Variants in STARD13 observed in about 807,000 individuals in gnomAD.
The protein encoded by STARD13 is stAR-related lipid transfer protein 13.
Under a neutral mutation model 106.4 loss-of-function variants are expected in STARD13, and 62 were observed. The observed-to-expected ratio is 0.58, with a 90% CI of 0.48 to 0.72. The LOEUF (loss-of-function observed/expected upper bound fraction) is 0.72, where lower values mean the gene tolerates loss of function less well. Ranked by LOEUF, STARD13 falls within the 30% of genes least tolerant of loss-of-function variation. The pLI, the probability that STARD13 is intolerant of heterozygous loss-of-function variation, is 0.00. For missense variants in STARD13, 1,387 were observed against 1,424.0 expected (o/e 0.97, Z 0.42); for synonymous variants, 565 against 553.0 (o/e 1.02, Z -0.31).
At chr13:33,316,370 A>G (rs985613803) in intron 1 of STARD13, among the ~76,000 whole-genome samples, 1 of 152,212 alleles carries the variant, frequency 6.6e-6, no homozygotes, top group African/African-American at 2.4e-5. Context: ...TTCATCTATA[A>G]TAAGCAATGT....
chr13:33,452,366 C>G, the STARD13 span, among the ~76,000 whole-genome samples: 3 of 152,054 alleles, frequency 2.0e-5, no homozygotes, highest in Non-Finnish European at 4.4e-5. Flanking sequence ...CAGGGGAAAC[C>G]TATTTTCCAT....
chr13:33,399,496 C>G, the STARD13 span, among the ~76,000 whole-genome samples: 1 of 151,792 alleles, frequency 6.6e-6, no homozygotes, highest in East Asian at 1.9e-4. Context: ...AGATCGAGAC[C>G]ATCCTGGCTA....
At chr13:33,282,149 C>T (rs1041560188) in intron 1 of STARD13, among the ~76,000 whole-genome samples, 1 of 152,112 alleles carries the variant, frequency 6.6e-6, no homozygotes, top group African/African-American at 2.4e-5. Context: ...TCCATTCTCT[C>T]TCTCTACAAC....
the STARD13 span, among the ~76,000 whole-genome samples, chr13:33,518,348 A>G: frequency 2.0e-5 from 3 of 152,082 alleles, no homozygotes; most frequent in East Asian, 5.8e-4. Flanking sequence ...CACTGCTTGT[A>G]TTCCTCAACA....
chr13:33,202,543 C>T (rs758837689), intron 1 of STARD13, among the ~76,000 whole-genome samples: 8 of 152,116 alleles, frequency 5.3e-5, no homozygotes, highest in African/African-American at 7.2e-5. Flanking sequence ...CCTGTCTTTG[C>T]GGAGCCTAGG....
At chr13:33,439,653 A>G in the STARD13 span, 2 of 1,172,500 alleles carry the variant, frequency 1.7e-6, no homozygotes, top group Admixed American at 2.4e-5. Flanking sequence ...AACAACTTTT[A>G]TACATAAACA....
chr13:33,528,233 T>TATATATATACATATATATATATAC, the STARD13 span, among the ~76,000 whole-genome samples: 1 of 131,970 alleles, frequency 7.6e-6, no homozygotes, highest in Non-Finnish European at 1.5e-5. Context: ...TGTGTATATA[T>TATATATATACATATATATATATAC]ATATATATAC....
the STARD13 span, among the ~76,000 whole-genome samples, chr13:33,450,257 C>T: frequency 6.6e-6 from 1 of 152,074 alleles, no homozygotes; most frequent in Non-Finnish European, 1.5e-5. Context: ...AGGCATGTTC[C>T]TTCTATACCT....
the STARD13 span, among the ~76,000 whole-genome samples, chr13:33,370,465 A>T: frequency 6.6e-6 from 1 of 152,200 alleles, no homozygotes; most frequent in Non-Finnish European, 1.5e-5. Context: ...AATACCATTT[A>T]AAAAATATTC....
the STARD13 span, chr13:33,519,954 A>G: frequency 9.9e-5 from 15 of 152,188 alleles, no homozygotes; most frequent in African/African-American, 3.6e-4. Context: ...TGCAAAATGT[A>G]TACCTTGCTT....
intron 1 of STARD13, among the ~76,000 whole-genome samples, chr13:33,307,617 A>C (rs1892960294): frequency 6.6e-6 from 1 of 152,144 alleles, no homozygotes; most frequent in Non-Finnish European, 1.5e-5. Context: ...ATGAGAACAC[A>C]TGGACACAGG....
intron 1 of STARD13, among the ~76,000 whole-genome samples, chr13:33,342,532 TG>T (rs60871493): frequency 0.01 from 1,526 of 151,846 alleles, 25 homozygotes; most frequent in African/African-American, 0.035. Flanking sequence ...TTTTATAGTT[TG>T]TTTTTTTTTT....
intron 3 of STARD13, among the ~76,000 whole-genome samples, chr13:33,162,267 A>G (rs991310109): frequency 2.6e-5 from 4 of 152,178 alleles, no homozygotes; most frequent in Non-Finnish European, 5.9e-5. Context: ...GCAAACAGAT[A>G]AGGACCCTGG....
the STARD13 span, among the ~76,000 whole-genome samples, chr13:33,447,296 T>C: frequency 1.3e-5 from 2 of 152,210 alleles, no homozygotes; most frequent in Non-Finnish European, 1.5e-5. Context: ...AAACAGGTTC[T>C]TCCACGAGCT....
At chr13:33,481,753 A>G in the STARD13 span, among the ~76,000 whole-genome samples, 6 of 152,106 alleles carry the variant, frequency 3.9e-5, no homozygotes, top group Admixed American at 1.3e-4. Flanking sequence ...AAACAAACTT[A>G]AAAAATCTGG....
chr13:33,584,035 C>A, the STARD13 span, among the ~76,000 whole-genome samples: 1 of 152,214 alleles, frequency 6.6e-6, no homozygotes, highest in South Asian at 2.1e-4. Flanking sequence ...TTTTGAGGAA[C>A]TGCCATACTA....
intron 3 of STARD13, among the ~76,000 whole-genome samples, chr13:33,154,420 T>C (rs1447656501): frequency 6.6e-6 from 1 of 152,230 alleles, no homozygotes; most frequent in East Asian, 1.9e-4. Flanking sequence ...GGGCTCTAGC[T>C]ATACAAAGAA....
chr13:33,285,832 G>T, upstream of STARD13: 1 of 1,283,122 alleles, frequency 7.8e-7, no homozygotes, highest in Non-Finnish European at 1.0e-6. Flanking sequence ...GGGAACCAAT[G>T]AGAGGAAGAG....
intron 3 of STARD13, among the ~76,000 whole-genome samples, chr13:33,152,311 C>G (rs1293734900): frequency 6.6e-6 from 1 of 151,840 alleles, no homozygotes; most frequent in Non-Finnish European, 1.5e-5. Context: ...TGGTGAGAGG[C>G]TCCTCCTTCA....
Sources: allele counts gnomAD v4.1 joint callset (sites outside exome capture counted in the v4.1 genomes callset), GRCh38; gene constraint gnomAD v4.1.1; transcripts MANE v1.5; gene names NCBI Gene and HGNC (gene_info 2026-07-23, HGNC 2026-07-21).